The following NME7 variants were observed in gnomAD, a reference collection of about 807,000 sequenced individuals.
The protein encoded by NME7 is NME/NM23 family member 7.
Under a neutral mutation model 49.1 loss-of-function variants are expected in NME7, and 41 were observed. That is an observed-to-expected ratio of 0.83 (90% CI 0.65 to 1.08). The LOEUF is 1.08. NME7 is among the 50% of genes least tolerant of loss of function. NME7 has a pLI of 0.00. For missense variants in NME7, 423 were observed against 463.4 expected (o/e 0.91, Z 0.80); for synonymous variants, 139 against 150.6 (o/e 0.92, Z 0.56).
At chr1:169,345,813 T>C (rs1021459260) in intron 1 of NME7, among the ~76,000 whole-genome samples, 1 of 152,196 alleles carries the variant, frequency 6.6e-6, no homozygotes, top group African/African-American at 2.4e-5. Flanking sequence ...TCTTAGATGT[T>C]AGACAGCTCT....
At chr1:169,196,986 A>G (rs955720859) in intron 10 of NME7, among the ~76,000 whole-genome samples, 8 of 152,204 alleles carry the variant, frequency 5.3e-5, no homozygotes, top group Admixed American at 2.0e-4. Context: ...AGCCTGATAG[A>G]GTAGCCAGAG....
chr1:169,294,037 T>C (rs1421137248), intron 6 of NME7, among the ~76,000 whole-genome samples: 1 of 152,078 alleles, frequency 6.6e-6, no homozygotes, highest in African/African-American at 2.4e-5. Context: ...TAATATTACA[T>C]CCAGTACAAA....
Position 169,287,390 on chromosome 1 carries a change from GA to G in NME7, c.666del (p.Pro223LeufsTer36). ...GCCGGCCCACAACCTCCACTTGAAGGAAAAAACAACTCCATTTCCTAAAGAC... is the reference window on the plus strand; with the variant it reads ...GCCGGCCCACAACCTCCACTTGAAGGAAAAACAACTCCATTTCCTAAAGAC... ...ASAAREMELF[F>X]PSSGGCGPAN... On this transcript the variant is annotated frameshift_variant, in exon 7 of 12. Transcript: ENST00000367811. LOFTEE classifies it high-confidence loss of function. The G allele has an allele frequency of 6.4e-7, 1 of 1,571,130 alleles. No homozygotes were observed. The highest frequency in any genetic ancestry group is 1.2e-5 in the South Asian group (1 of 84,848).
rs570287155 is a variant in NME7 at position 169,231,106 on chromosome 1, C to T, written c.889-287G>A. ...AGTATATCTTCCTTGCAAAGGCCTT[C>T]TTGAATACAATGTTGTTGAATTCAC... On this transcript the variant is annotated intron_variant, in intron 9 of 11. Transcript: ENST00000367811. 1.8e-3 allele frequency among the ~76,000 whole-genome samples: 274 copies of T among 152,214 alleles called. 2 individuals are homozygous for T. The highest frequency in any genetic ancestry group is 3.4e-3 in the Middle Eastern group (1 of 294).
At chr1:169,222,183 T>C (rs1280379177) in intron 10 of NME7, among the ~76,000 whole-genome samples, 1 of 152,232 alleles carries the variant, frequency 6.6e-6, no homozygotes. Context: ...TTCCATCATA[T>C]GAAATACTAT....
chr1:169,164,644 G>A (rs1659353807), intron 11 of NME7, among the ~76,000 whole-genome samples: 1 of 152,150 alleles, frequency 6.6e-6, no homozygotes, highest in Non-Finnish European at 1.5e-5. Flanking sequence ...CAGACTATGG[G>A]TGCCATGGAA....
intron 10 of NME7, among the ~76,000 whole-genome samples, chr1:169,188,986 A>T (rs1363689884): frequency 1.3e-5 from 2 of 152,182 alleles, no homozygotes; most frequent in Non-Finnish European, 2.9e-5. Flanking sequence ...ATATAATTTG[A>T]TTGGGTGGAA....
At chr1:169,199,353 T>C (rs1466821024) in intron 10 of NME7, among the ~76,000 whole-genome samples, 1 of 151,564 alleles carries the variant, frequency 6.6e-6, no homozygotes, top group Non-Finnish European at 1.5e-5. Flanking sequence ...ATGAAGAAAC[T>C]AAAGTTTTCA....
At chr1:169,192,475 G>C (rs982368110) in intron 10 of NME7, among the ~76,000 whole-genome samples, 1 of 152,100 alleles carries the variant, frequency 6.6e-6, no homozygotes, top group African/African-American at 2.4e-5. Context: ...GATAAAGGAA[G>C]ATGTGCATAG....
intron 1 of NME7, among the ~76,000 whole-genome samples, chr1:169,364,556 C>G (rs1473070900): frequency 1.3e-5 from 2 of 152,166 alleles, no homozygotes; most frequent in Non-Finnish European, 2.9e-5. Flanking sequence ...CGACTCAACC[C>G]TCTTTGAGTA....
chr1:169,174,821 G>A (rs1311374828), intron 10 of NME7, among the ~76,000 whole-genome samples: 1 of 152,172 alleles, frequency 6.6e-6, no homozygotes, highest in Non-Finnish European at 1.5e-5. Context: ...AGTTGCTCTA[G>A]GTGAGTCCGT....
intron 10 of NME7, among the ~76,000 whole-genome samples, chr1:169,205,065 A>C (rs1050689988): frequency 4.6e-4 from 70 of 152,150 alleles, no homozygotes; most frequent in African/African-American, 1.6e-3. Context: ...CTATTGTCAC[A>C]CTAATAATTA....
At chr1:169,288,152 G>A (rs1650351780) in intron 6 of NME7, among the ~76,000 whole-genome samples, 1 of 152,102 alleles carries the variant, frequency 6.6e-6, no homozygotes, top group Non-Finnish European at 1.5e-5. Context: ...TCCACTAGGA[G>A]GCATTTCCTG....
chr1:169,299,806 T>C (rs1650869403), intron 5 of NME7, among the ~76,000 whole-genome samples: 1 of 152,122 alleles, frequency 6.6e-6, no homozygotes, highest in African/African-American at 2.4e-5. Context: ...TACCTCCTCA[T>C]ACATTTTCTG....
intron 5 of NME7, chr1:169,301,993 T>G (rs1022980777): frequency 3.3e-5 from 5 of 151,922 alleles, no homozygotes; most frequent in African/African-American, 1.2e-4. Context: ...GGATCCATAC[T>G]CCAAACCTCA....
intron 10 of NME7, among the ~76,000 whole-genome samples, chr1:169,185,503 C>T (rs926562464): frequency 6.6e-6 from 1 of 152,156 alleles, no homozygotes; most frequent in Non-Finnish European, 1.5e-5. Flanking sequence ...AATACTTTCA[C>T]ATCTTGCCAT....
intron 7 of NME7, among the ~76,000 whole-genome samples, chr1:169,281,255 T>C (rs1474287075): frequency 6.6e-6 from 1 of 152,150 alleles, no homozygotes; most frequent in Non-Finnish European, 1.5e-5. Flanking sequence ...TGGCTCTCTG[T>C]CCATTATTGG....
At chr1:169,237,236 C>G in intron 8 of NME7, among the ~76,000 whole-genome samples, 1 of 152,076 alleles carries the variant, frequency 6.6e-6, no homozygotes, top group East Asian at 1.9e-4. Flanking sequence ...TGATTCTCTT[C>G]CTTCATTATT....
intron 7 of NME7, among the ~76,000 whole-genome samples, chr1:169,252,964 G>T (rs1648702252): frequency 6.7e-6 from 1 of 149,402 alleles, no homozygotes; most frequent in Admixed American, 6.7e-5. Flanking sequence ...GGTTACTGTA[G>T]CCTTGTAGTA....
Sources: gnomAD v4.1 joint callset for allele counts (sites outside exome capture counted in the v4.1 genomes callset) on GRCh38, gnomAD v4.1.1 for gene constraint, MANE v1.5 for transcripts, NCBI Gene and HGNC (gene_info 2026-07-23, HGNC 2026-07-21) for gene names.